Variants in CTSO observed in about 807,000 individuals in gnomAD.
CTSO encodes cathepsin O.
CTSO carries 40 observed loss-of-function variants against 42.4 expected under a neutral mutation model. That is an observed-to-expected ratio of 0.94 (90% CI 0.73 to 1.23). The LOEUF (loss-of-function observed/expected upper bound fraction) is 1.23, where lower values mean the gene tolerates loss of function less well. CTSO is among the 50% of genes most tolerant of loss of function. The probability of loss-of-function intolerance (pLI) is 0.00; values close to 1 mark genes in which losing one functional copy is unlikely to be tolerated. For missense variants in CTSO, 441 were observed against 396.0 expected, an observed-to-expected ratio of 1.11 and a Z score of -0.96; for synonymous variants, 156 against 146.2, an observed-to-expected ratio of 1.07 and a Z score of -0.48.
intron 3 of CTSO, 33 bp downstream of exon 3, chr4:155,942,284 G>T: frequency 6.6e-7 from 1 of 1,526,584 alleles, no homozygotes; most frequent in South Asian, 1.3e-5. Context: ...TCAATGCTTA[G>T]ATGATTAGAA....
intron 1 of CTSO, among the ~76,000 whole-genome samples, chr4:155,951,127 C>T (rs1390984822): frequency 3.9e-5 from 6 of 151,960 alleles, no homozygotes; most frequent in African/African-American, 1.5e-4. Context: ...ATAATATAAC[C>T]TGTGTCATTA....
chr4:155,945,449 T>C (rs752792460), intron 1 of CTSO, among the ~76,000 whole-genome samples: 2 of 152,114 alleles, frequency 1.3e-5, no homozygotes, highest in Non-Finnish European at 2.9e-5. Flanking sequence ...AAGGCACAGA[T>C]TGCCAAAGAT....
intron 1 of CTSO, among the ~76,000 whole-genome samples, chr4:155,948,498 C>T (rs1191580754): frequency 6.6e-6 from 1 of 152,060 alleles, no homozygotes; most frequent in Non-Finnish European, 1.5e-5. Flanking sequence ...GCCTGTTAGC[C>T]TAGCTAGGAT....
Position 155,925,637 on chromosome 4 carries a change from C to T in CTSO, c.*399G>A, listed in dbSNP as rs1743117357. ...GGGTAATCTAAAGCTAGTAGTTACA[C>T]CCCACAAAAGAAAATAAATTCTTAT... On this transcript the variant is annotated 3_prime_UTR_variant, in exon 8 of 8. Transcript: ENST00000433477. The T allele has an allele frequency of 5.3e-6, 1 of 188,444 alleles. No homozygotes were observed. Among genetic ancestry groups the T allele is most frequent in the Non-Finnish European group, 1.1e-5 (1 of 93,202 alleles). 11.7% of individuals were successfully genotyped at this position (188,444 alleles called of 1,614,324 possible).
rs541385699 is a variant in CTSO, at chr4:155,932,639, C to T, written c.675-2934G>A. Among the ~76,000 whole-genome samples, 232 of 152,196 alleles carry T rather than the reference C, an allele frequency of 1.5e-3. 1 individual carries two copies. The highest frequency in any genetic ancestry group is 1.2e-3 in the South Asian group (6 of 4,818). On this transcript the variant is annotated intron_variant, in intron 5 of 7. Transcript: ENST00000433477. ...CCCTCAACTAATGAATCAGGGAAGA[C>T]GACAATCACCAACTTGGATGGGATG...
rs181250369 is a variant in CTSO, at chr4:155,925,318, A to T, written c.*718T>A. 6.6e-6 allele frequency: 1 copy of T among 152,338 alleles called. No individual in the cohort carries two copies. The highest frequency in any genetic ancestry group is 2.4e-5 in the African/African-American group (1 of 41,578). The allele number at this position is 152,338 out of a possible 1,614,324, so 9.4% of individuals were successfully genotyped here. A position where few individuals can be genotyped will look rare whatever the true frequency, so the allele number is the denominator to read the frequency against. ...CAAAGTAAGCAATATGATCTATTGGATTCCTATTCACAATGAAAATTATCA... is the reference window on the plus strand; with the variant it reads ...CAAAGTAAGCAATATGATCTATTGGTTTCCTATTCACAATGAAAATTATCA... On this transcript the variant is annotated 3_prime_UTR_variant, in exon 8 of 8. Coordinates refer to ENST00000433477, the MANE Select transcript of CTSO (RefSeq NM_001334.3).
At chr4:155,941,208 G>A (rs1743424320) in intron 3 of CTSO, among the ~76,000 whole-genome samples, 1 of 152,220 alleles carries the variant, frequency 6.6e-6, no homozygotes, top group African/African-American at 2.4e-5. Flanking sequence ...ATGATCTGTT[G>A]AGGTTTCCAC....
intron 7 of CTSO, among the ~76,000 whole-genome samples, 195 bp from the exon 8 acceptor site, chr4:155,926,265 T>G (rs557950055): frequency 6.6e-6 from 1 of 152,296 alleles, no homozygotes; most frequent in Non-Finnish European, 1.5e-5. Context: ...ATTAGAAGTA[T>G]GCCTAATATT....
At chr4:155,939,292 C>T in intron 4 of CTSO, 79 bp downstream of exon 4, 1 of 1,266,870 alleles carries the variant, frequency 7.9e-7, no homozygotes, top group Non-Finnish European at 1.1e-6. Context: ...TATATGTGAA[C>T]AAACTGTTTG....
rs1291631607 is a variant in CTSO at position 155,924,273 on chromosome 4, C to A, written c.*1763G>T. On this transcript the variant is annotated 3_prime_UTR_variant, in exon 8 of 8. Transcript: ENST00000433477. ...GCATCTATATCACATAGAAAGTCAG[C>A]GAATACAAACTAGACAAGCAGGACA... 1 of 152,016 alleles carries A rather than the reference C, an allele frequency of 6.6e-6. No individual in the cohort carries two copies. Among genetic ancestry groups the A allele is most frequent in the Non-Finnish European group, 1.5e-5 (1 of 67,998 alleles). 9.4% of individuals were successfully genotyped at this position (152,016 alleles called of 1,614,324 possible).
At chr4:155,941,407 G>T (rs1241101012) in intron 3 of CTSO, among the ~76,000 whole-genome samples, 1 of 152,148 alleles carries the variant, frequency 6.6e-6, no homozygotes, top group Admixed American at 6.5e-5. Flanking sequence ...ACCCACATCT[G>T]CTCTTACCAC....
chr4:155,935,170 T>A (rs1164540259), intron 5 of CTSO, among the ~76,000 whole-genome samples: 1 of 152,128 alleles, frequency 6.6e-6, no homozygotes, highest in Non-Finnish European at 1.5e-5. Context: ...CGCTTTTGCT[T>A]CTTCCTCATT....
intron 1 of CTSO, among the ~76,000 whole-genome samples, chr4:155,943,559 A>G (rs1330653575): frequency 2.0e-5 from 3 of 152,152 alleles, no homozygotes; most frequent in Non-Finnish European, 4.4e-5. Context: ...GTATTGACAT[A>G]GTGGGAAAAA....
At chr4:155,944,699 T>C (rs1743508879) in intron 1 of CTSO, among the ~76,000 whole-genome samples, 1 of 152,156 alleles carries the variant, frequency 6.6e-6, no homozygotes. Context: ...TCTTACGGGC[T>C]GCACCTAGCT....
chr4:155,931,978 C>T (rs1438413843), intron 5 of CTSO, among the ~76,000 whole-genome samples: 2 of 151,928 alleles, frequency 1.3e-5, no homozygotes, highest in African/African-American at 4.8e-5. Flanking sequence ...GGATTTTCAT[C>T]TCATCTTCCC....
chr4:155,926,180 T>C, intron 7 of CTSO, 110 bp from the exon 8 acceptor site: 4 of 702,192 alleles, frequency 5.7e-6, no homozygotes, highest in Non-Finnish European at 9.6e-6. Flanking sequence ...ACTGAGAAAA[T>C]AATGTAATGC....
intron 7 of CTSO, 120 bp downstream of exon 7, chr4:155,928,216 T>G: frequency 1.7e-6 from 1 of 582,244 alleles, no homozygotes; most frequent in Non-Finnish European, 2.8e-6. Context: ...TTTTTTATCA[T>G]TTGGTTAAAG....
intron 5 of CTSO, 151 bp downstream of exon 5, chr4:155,937,211 C>T (rs1743345012): frequency 3.8e-6 from 2 of 531,180 alleles, no homozygotes; most frequent in Non-Finnish European, 6.4e-6. Context: ...ACATTTACAA[C>T]ATTTCATTGT....
chr4:155,941,570 T>C (rs1743430107), intron 3 of CTSO, among the ~76,000 whole-genome samples: 1 of 152,228 alleles, frequency 6.6e-6, no homozygotes, highest in Non-Finnish European at 1.5e-5. Flanking sequence ...TCTTAATCAG[T>C]AAACATGTGT....
Sources: allele counts gnomAD v4.1 joint callset (sites outside exome capture counted in the v4.1 genomes callset), GRCh38; gene constraint gnomAD v4.1.1; transcripts MANE v1.5; gene names NCBI Gene and HGNC (gene_info 2026-07-23, HGNC 2026-07-21).